The following PRKCA variants were observed in gnomAD, a reference collection of about 807,000 sequenced individuals.
PRKCA encodes the protein protein kinase C alpha type.
In PRKCA, 27 loss-of-function variants were observed where a neutral mutation model predicts 87.0. The ratio of observed to expected loss-of-function variants is 0.31; its 90% CI spans 0.23 to 0.43. PRKCA has a LOEUF of 0.43. Among genes scored for constraint, PRKCA ranks in the 20% least tolerant of loss-of-function variants. PRKCA has a pLI of 1.00. For synonymous variants in PRKCA, 329 were observed against 311.1 expected, an observed-to-expected ratio of 1.06 and a Z score of -0.61; for missense variants, 518 against 852.3, an observed-to-expected ratio of 0.61 and a Z score of 4.88.
In PRKCA at chr17:66,354,143, A is replaced by G. The variant is rs373421592; in HGVS notation, c.205+48016A>G. Among the ~76,000 whole-genome samples, 8 of 152,298 alleles carry G rather than the reference A, an allele frequency of 5.3e-5. No homozygotes were observed. In the South Asian group the frequency reaches 1.2e-3, roughly 24 times the overall value. On this transcript the variant is annotated intron_variant, in intron 2 of 16. Coordinates refer to ENST00000413366, the MANE Select transcript of PRKCA (RefSeq NM_002737.3). ...TGTTTCTTCCTGAATTGTGTCCTTG[A>G]GTTGGTTGGTGTGTATCTCCAGAGT...
At chr17:66,676,032 C>T (rs760344855) in intron 5 of PRKCA, among the ~76,000 whole-genome samples, 1 of 152,146 alleles carries the variant, frequency 6.6e-6, no homozygotes, top group Non-Finnish European at 1.5e-5. Context: ...GTTCTGGAGG[C>T]AATCTGTCAC....
At chr17:66,774,648 C>T in intron 14 of PRKCA, 2 of 987,156 alleles carry the variant, frequency 2.0e-6, no homozygotes, top group East Asian at 2.3e-4. Context: ...ACGTTGATGA[C>T]AGCAGTGGCC....
At chr17:66,608,554 A>G (rs1373613725) in intron 3 of PRKCA, among the ~76,000 whole-genome samples, 1 of 152,140 alleles carries the variant, frequency 6.6e-6, no homozygotes, top group Non-Finnish European at 1.5e-5. Flanking sequence ...TGTATACCCT[A>G]TACGATAGAA....
chr17:66,716,267 A>G (rs1973470306), intron 8 of PRKCA, among the ~76,000 whole-genome samples: 2 of 152,164 alleles, frequency 1.3e-5, no homozygotes, highest in South Asian at 4.1e-4. Flanking sequence ...ACCCTGCCAC[A>G]GCCAACCCAT....
intron 8 of PRKCA, among the ~76,000 whole-genome samples, chr17:66,731,586 G>A (rs1325076548): frequency 6.6e-6 from 1 of 151,936 alleles, no homozygotes; most frequent in Non-Finnish European, 1.5e-5. Flanking sequence ...GAGACTTCCC[G>A]TGGGTTTACT....
chr17:66,482,242 C>A lies in PRKCA; in HGVS notation c.206-13959C>A, dbSNP rs569853508. Among the ~76,000 whole-genome samples, 5 of 151,642 alleles carry A rather than the reference C, an allele frequency of 3.3e-5. No individual in the cohort carries two copies. The South Asian group carries it at 1.0e-3, about 31-fold the overall frequency. ...GCAATCAACTGGCTTGTTTAATAAACAAATATGTGCTAAGGATGATGGCTC... is the reference window on the plus strand; with the variant it reads ...GCAATCAACTGGCTTGTTTAATAAAAAAATATGTGCTAAGGATGATGGCTC... On this transcript the variant is annotated intron_variant, in intron 2 of 16. Coordinates refer to ENST00000413366, the MANE Select transcript of PRKCA (RefSeq NM_002737.3).
At chr17:66,411,724 C>A (rs958814482) in intron 2 of PRKCA, among the ~76,000 whole-genome samples, 1 of 152,122 alleles carries the variant, frequency 6.6e-6, no homozygotes, top group African/African-American at 2.4e-5. Flanking sequence ...TAGCGGCCGT[C>A]CTGATCTTCC....
At chr17:66,798,426 T>TGACGGTGGTGAC (rs1975732938) in intron 16 of PRKCA, among the ~76,000 whole-genome samples, 9 of 136,572 alleles carry the variant, frequency 6.6e-5, no homozygotes, top group East Asian at 2.2e-4. Context: ...GTGGTGGTGG[T>TGACGGTGGTGAC]GGTGGTGACG....
chr17:66,398,721 G>A (rs1162500362), intron 2 of PRKCA, among the ~76,000 whole-genome samples: 1 of 152,260 alleles, frequency 6.6e-6, no homozygotes, highest in East Asian at 1.9e-4. Flanking sequence ...GAGAAAGGCA[G>A]ATGGATGATG....
intron 2 of PRKCA, among the ~76,000 whole-genome samples, chr17:66,458,021 A>G (rs1399685984): frequency 6.6e-6 from 1 of 152,010 alleles, no homozygotes; most frequent in Non-Finnish European, 1.5e-5. Flanking sequence ...TCTCCCACCC[A>G]CCAAATTGGT....
intron 1 of PRKCA, among the ~76,000 whole-genome samples, chr17:66,304,650 AG>A (rs1904707597): frequency 6.6e-6 from 1 of 152,202 alleles, no homozygotes; most frequent in Non-Finnish European, 1.5e-5. Flanking sequence ...CCCAAAGGGC[AG>A]GTCCCATGAT....
intron 2 of PRKCA, among the ~76,000 whole-genome samples, chr17:66,389,982 G>A (rs556846721): frequency 6.6e-6 from 1 of 152,352 alleles, no homozygotes; most frequent in African/African-American, 2.4e-5. Context: ...CCAGCACTTT[G>A]GGAGGCCAAG....
intron 8 of PRKCA, among the ~76,000 whole-genome samples, chr17:66,712,449 C>G (rs777656268): frequency 2.6e-5 from 4 of 152,084 alleles, no homozygotes; most frequent in Non-Finnish European, 4.4e-5. Context: ...CCCAGCATGT[C>G]GGAAAGCTGG....
chr17:66,403,912 T>C (rs1006583522), intron 2 of PRKCA: 10 of 152,368 alleles, frequency 6.6e-5, no homozygotes, highest in African/African-American at 2.4e-4. Flanking sequence ...TTTTATTTTA[T>C]TTATTGTTCA....
intron 3 of PRKCA, among the ~76,000 whole-genome samples, chr17:66,578,164 C>T (rs187396228): frequency 6.6e-6 from 1 of 152,162 alleles, no homozygotes; most frequent in Non-Finnish European, 1.5e-5. Flanking sequence ...ACAAAACAGC[C>T]CTCATTGTCT....
At chr17:66,529,873 C>T (rs1198749509) in intron 3 of PRKCA, among the ~76,000 whole-genome samples, 1 of 152,170 alleles carries the variant, frequency 6.6e-6, no homozygotes, top group Admixed American at 6.5e-5. Context: ...GCCTGTTGGC[C>T]AGACTAATCA....
At chr17:66,451,347 T>TTAATTAATTA (rs1567836069) in intron 2 of PRKCA, among the ~76,000 whole-genome samples, 4 of 76,366 alleles carry the variant, frequency 5.2e-5, no homozygotes, top group African/African-American at 2.0e-4. Context: ...AGTTAGAATT[T>TTAATTAATTA]ATTTATTTAT....
At chr17:66,392,197 T>C (rs886951304) in intron 2 of PRKCA, among the ~76,000 whole-genome samples, 1 of 145,934 alleles carries the variant, frequency 6.9e-6, no homozygotes, top group African/African-American at 2.5e-5. Context: ...GCCACTGCAC[T>C]CCAGCCTGGG....
intron 14 of PRKCA, among the ~76,000 whole-genome samples, chr17:66,786,150 C>T (rs1036726765): frequency 2.0e-5 from 3 of 152,272 alleles, no homozygotes; most frequent in East Asian, 3.9e-4. Flanking sequence ...TTTTAAAGAA[C>T]GAAGTCATTT....
Sources: allele counts gnomAD v4.1 joint callset (sites outside exome capture counted in the v4.1 genomes callset), GRCh38; gene constraint gnomAD v4.1.1; transcripts MANE v1.5; gene names NCBI Gene and HGNC (gene_info 2026-07-23, HGNC 2026-07-21).